Variants in CTNNA2 observed in about 807,000 individuals in gnomAD.
CTNNA2 encodes the protein catenin alpha 2.
A neutral mutation model predicts 101.0 loss-of-function variants in CTNNA2; 42 were observed. The ratio of observed to expected loss-of-function variants is 0.42; its 90% CI spans 0.32 to 0.54. The LOEUF (loss-of-function observed/expected upper bound fraction) is 0.54, where lower values mean the gene tolerates loss of function less well. CTNNA2 is among the 20% of genes least tolerant of loss of function. The pLI is 0.14. For missense variants in CTNNA2, 871 were observed against 1,223.1 expected (o/e 0.71, Z 4.29); for synonymous variants, 450 against 456.4 (o/e 0.99, Z 0.18).
chr2:79,963,155 G>C (rs2104539975), intron 7 of CTNNA2, among the ~76,000 whole-genome samples: 1 of 149,498 alleles, frequency 6.7e-6, no homozygotes, highest in Non-Finnish European at 1.5e-5. Context: ...TGTTCTAAAT[G>C]AATATCTGAT....
At chr2:80,354,897 C>T (rs1351706981) in intron 7 of CTNNA2, among the ~76,000 whole-genome samples, 1 of 152,098 alleles carries the variant, frequency 6.6e-6, no homozygotes, top group Non-Finnish European at 1.5e-5. Flanking sequence ...GGGATTGTTG[C>T]TCTAGATGGG....
At chr2:79,415,096 C>T (rs1678463369) in intron 4 of CTNNA2, among the ~76,000 whole-genome samples, 2 of 152,106 alleles carry the variant, frequency 1.3e-5, no homozygotes, top group Non-Finnish European at 2.9e-5. Flanking sequence ...AAGTGATCCT[C>T]AGTGTTGGAA....
At chr2:79,813,944 T>C (rs1262085343) in intron 3 of CTNNA2, among the ~76,000 whole-genome samples, 2 of 152,132 alleles carry the variant, frequency 1.3e-5, no homozygotes, top group Non-Finnish European at 2.9e-5. Flanking sequence ...CAGGGGAGGA[T>C]TCTTTCTTGA....
intron 2 of CTNNA2, among the ~76,000 whole-genome samples, chr2:79,264,381 C>T (rs950044764): frequency 1.3e-5 from 2 of 151,440 alleles, no homozygotes; most frequent in Admixed American, 6.6e-5. Context: ...AGCAAACCTA[C>T]AGTTTTAAGG....
intron 2 of CTNNA2, among the ~76,000 whole-genome samples, chr2:79,704,632 C>A (rs953726160): frequency 1.3e-5 from 2 of 151,750 alleles, no homozygotes; most frequent in Non-Finnish European, 2.9e-5. Context: ...CCTGCCTCAG[C>A]CTCCCAAGTA....
At chr2:80,250,949 G>A (rs1360568005) in intron 7 of CTNNA2, among the ~76,000 whole-genome samples, 1 of 152,120 alleles carries the variant, frequency 6.6e-6, no homozygotes, top group Non-Finnish European at 1.5e-5. Context: ...ACTTCAAGGG[G>A]AAAAATTAAC....
intron 9 of CTNNA2, among the ~76,000 whole-genome samples, chr2:80,512,744 T>A (rs1322688081): frequency 1.3e-5 from 2 of 152,148 alleles, no homozygotes; most frequent in Non-Finnish European, 2.9e-5. Context: ...CAGTGTTTTT[T>A]AGTATTTTTT....
intron 6 of CTNNA2, among the ~76,000 whole-genome samples, chr2:79,899,145 A>G (rs1352698055): frequency 1.3e-5 from 2 of 152,180 alleles, no homozygotes; most frequent in Non-Finnish European, 2.9e-5. Flanking sequence ...AGAATGTAGA[A>G]CGTTCCAGGA....
chr2:80,551,937 G>C (rs775068533), intron 11 of CTNNA2, among the ~76,000 whole-genome samples: 2 of 152,142 alleles, frequency 1.3e-5, no homozygotes, highest in Non-Finnish European at 2.9e-5. Flanking sequence ...AGTGAGAAAT[G>C]TGTGACCCTT....
intron 7 of CTNNA2, among the ~76,000 whole-genome samples, chr2:79,911,029 G>T (rs1194884852): frequency 6.6e-6 from 1 of 152,104 alleles, no homozygotes; most frequent in Admixed American, 6.5e-5. Context: ...AGCACACAAA[G>T]AATAAAATGT....
At chr2:80,639,154 C>T (rs532655778) in intron 18 of CTNNA2, among the ~76,000 whole-genome samples, 36 of 152,270 alleles carry the variant, frequency 2.4e-4, no homozygotes, top group Non-Finnish European at 3.1e-4. Flanking sequence ...TAGGAGTTAT[C>T]GCACAGAATT....
rs571649230 is a variant in CTNNA2 at position 80,173,995 on chromosome 2, A to G, written c.1057-219216A>G. ...TGCCTGTTGCAACAAAGAAATGCTAAAGGATCCATTCCACTATTGCACAAC... is the reference window on the plus strand; with the variant it reads ...TGCCTGTTGCAACAAAGAAATGCTAGAGGATCCATTCCACTATTGCACAAC... On this transcript the variant is annotated intron_variant, in intron 7 of 18. Coordinates refer to ENST00000402739, the MANE Select transcript of CTNNA2 (RefSeq NM_001282597.3). Among the ~76,000 whole-genome samples, 7 of 152,312 alleles carry G rather than the reference A, an allele frequency of 4.6e-5. No individual in the cohort carries two copies. The East Asian group carries it at 1.4e-3, about 29-fold the overall frequency.
At chr2:80,465,992 G>A (rs1017636976) in intron 9 of CTNNA2, among the ~76,000 whole-genome samples, 6 of 151,992 alleles carry the variant, frequency 3.9e-5, no homozygotes, top group Non-Finnish European at 8.8e-5. Context: ...CAGCATGAGG[G>A]GCCACAAGTT....
intron 4 of CTNNA2, among the ~76,000 whole-genome samples, chr2:79,428,399 CA>C (rs901691495): frequency 1.1e-4 from 17 of 151,920 alleles, no homozygotes; most frequent in Non-Finnish European, 2.2e-4. Flanking sequence ...ACACTTGGAA[CA>C]AAGACGAGAA....
intron 6 of CTNNA2, among the ~76,000 whole-genome samples, chr2:79,891,744 C>T (rs1270522337): frequency 1.3e-5 from 2 of 152,038 alleles, no homozygotes; most frequent in South Asian, 2.1e-4. Context: ...ATAAATATTA[C>T]AATACCTTAG....
At chr2:80,250,789 T>C (rs1269987562) in intron 7 of CTNNA2, among the ~76,000 whole-genome samples, 7 of 152,174 alleles carry the variant, frequency 4.6e-5, no homozygotes, top group Non-Finnish European at 8.8e-5. Flanking sequence ...TTAGTGACTT[T>C]GGGCAATACT....
rs74498455 is a variant in CTNNA2 at position 80,040,653 on chromosome 2, A to G, written c.1056+130856A>G. Among the ~76,000 whole-genome samples the G allele has an allele frequency of 4.5e-3, 684 of 152,362 alleles. 6 individuals carry two copies. The highest frequency in any genetic ancestry group is 0.015 in the African/African-American group (635 of 41,584). ...TGGCATAATACTGCATCCCAAAGCC[A>G]GCAGTACCATTCCCCACAGGCCAGC... On this transcript the variant is annotated intron_variant, in intron 7 of 18. Coordinates refer to ENST00000402739, the MANE Select transcript of CTNNA2 (RefSeq NM_001282597.3).
intron 4 of CTNNA2, among the ~76,000 whole-genome samples, chr2:79,377,298 A>G (rs140714744): frequency 1.8e-3 from 279 of 152,314 alleles, no homozygotes; most frequent in African/African-American, 6.3e-3. Context: ...AGGAAAAGGC[A>G]TAAAGTTGTG....
intron 1 of CTNNA2, among the ~76,000 whole-genome samples, chr2:79,590,234 G>T (rs1422411085): frequency 6.6e-6 from 1 of 152,108 alleles, no homozygotes; most frequent in Non-Finnish European, 1.5e-5. Context: ...ACTTAACCAT[G>T]CTCTGCTGGT....
Sources: gnomAD v4.1 joint callset for allele counts (sites outside exome capture counted in the v4.1 genomes callset) on GRCh38, gnomAD v4.1.1 for gene constraint, MANE v1.5 for transcripts, NCBI Gene and HGNC (gene_info 2026-07-23, HGNC 2026-07-21) for gene names.